The following ELAVL4 variants were observed in gnomAD, a reference collection of about 807,000 sequenced individuals.
The protein encoded by ELAVL4 is ELAV like RNA binding protein 4, also known as ELAV-like protein 4.
A neutral mutation model predicts 35.6 loss-of-function variants in ELAVL4; 1 was observed. The observed-to-expected ratio is 0.03, with a 90% CI of 0.01 to 0.13. ELAVL4 has a LOEUF of 0.13. ELAVL4 is among the 10% of genes least tolerant of loss of function. ELAVL4 has a pLI of 1.00. For missense variants in ELAVL4, 267 were observed against 464.9 expected (o/e 0.57, Z 3.91); for synonymous variants, 156 against 171.0 (o/e 0.91, Z 0.69).
chr1:50,090,160 T>G (rs1344133799), intron 1 of ELAVL4, among the ~76,000 whole-genome samples: 1 of 152,202 alleles, frequency 6.6e-6, no homozygotes, highest in Non-Finnish European at 1.5e-5. Context: ...AGGTTATGTA[T>G]GACAACTGAG....
chr1:50,183,623 G>T (rs1057458730), intron 3 of ELAVL4, among the ~76,000 whole-genome samples: 6 of 152,086 alleles, frequency 3.9e-5, no homozygotes, highest in African/African-American at 1.4e-4. Flanking sequence ...GCCTCCGGGG[G>T]TCTTTCCACA....
At chr1:50,150,744 G>A (rs977139880) in intron 2 of ELAVL4, among the ~76,000 whole-genome samples, 2 of 152,104 alleles carry the variant, frequency 1.3e-5, no homozygotes, top group African/African-American at 2.4e-5. Flanking sequence ...ACAATAAAAG[G>A]CTCTGAAAAA....
At chr1:50,163,869 C>T (rs1023016540) in intron 2 of ELAVL4, among the ~76,000 whole-genome samples, 11 of 152,120 alleles carry the variant, frequency 7.2e-5, no homozygotes, top group Non-Finnish European at 1.5e-5. Context: ...CTCTCAAAGT[C>T]TCAGGCATAC....
At chr1:50,096,155 T>C (rs1572167620) in intron 1 of ELAVL4, among the ~76,000 whole-genome samples, 3 of 151,876 alleles carry the variant, frequency 2.0e-5, no homozygotes, top group Non-Finnish European at 2.9e-5. Flanking sequence ...GCACCAACTA[T>C]GACAGCCACT....
chr1:50,064,852 C>A (rs1664183517), intron 1 of ELAVL4, among the ~76,000 whole-genome samples: 1 of 152,102 alleles, frequency 6.6e-6, no homozygotes, highest in Non-Finnish European at 1.5e-5. Flanking sequence ...GTTCCTTTAG[C>A]CTTTTGTATA....
At chr1:50,057,083 T>C (rs919171826) in intron 1 of ELAVL4, among the ~76,000 whole-genome samples, 1 of 152,108 alleles carries the variant, frequency 6.6e-6, no homozygotes, top group Non-Finnish European at 1.5e-5. Flanking sequence ...GACCTTCTAG[T>C]GGAACAAGAT....
chr1:50,170,823 A>G (rs1678864821), intron 2 of ELAVL4, among the ~76,000 whole-genome samples: 1 of 152,202 alleles, frequency 6.6e-6, no homozygotes, highest in Non-Finnish European at 1.5e-5. Context: ...GCTTGAGCCC[A>G]AAAGTTGGAG....
intron 3 of ELAVL4, among the ~76,000 whole-genome samples, chr1:50,192,563 A>ACACACACACACACT (rs766597516): frequency 6.9e-6 from 1 of 144,438 alleles, no homozygotes; most frequent in Non-Finnish European, 1.5e-5. Context: ...ACACACACAC[A>ACACACACACACACT]CTCTCACCCC....
chr1:50,144,413 T>C (rs28693041), intron 1 of ELAVL4: 1 of 332,502 alleles, frequency 3.0e-6, no homozygotes, highest in Non-Finnish European at 5.8e-6. Context: ...AGAATGTACC[T>C]GTAAAATCTA....
chr1:50,058,058 T>A (rs1663771150), intron 1 of ELAVL4, among the ~76,000 whole-genome samples: 1 of 152,192 alleles, frequency 6.6e-6, no homozygotes, highest in Non-Finnish European at 1.5e-5. Context: ...GAAGCTTGAG[T>A]TATTTTTTTC....
intron 1 of ELAVL4, among the ~76,000 whole-genome samples, chr1:50,097,330 A>G (rs1387716126): frequency 1.3e-5 from 2 of 152,230 alleles, no homozygotes; most frequent in Non-Finnish European, 2.9e-5. Flanking sequence ...TCAAAAGCTT[A>G]ATTTCCCTTT....
intron 2 of ELAVL4, among the ~76,000 whole-genome samples, chr1:50,171,890 C>A (rs1679067337): frequency 6.6e-6 from 1 of 152,152 alleles, no homozygotes; most frequent in African/African-American, 2.4e-5. Flanking sequence ...TACTGCCATG[C>A]AGGTAATTTT....
At chr1:50,193,369 T>TG (rs1016529558) in intron 3 of ELAVL4, among the ~76,000 whole-genome samples, 2 of 150,440 alleles carry the variant, frequency 1.3e-5, no homozygotes, top group Non-Finnish European at 3.0e-5. Context: ...TCATGAGGTT[T>TG]TTTTTTTTTT....
Position 50,091,225 on chromosome 1 carries a change from G to A in ELAVL4, c.18+43043G>A, listed in dbSNP as rs573337468. Among the ~76,000 whole-genome samples the A allele has an allele frequency of 3.9e-5, 6 of 152,264 alleles. No individual in the cohort carries two copies. In the South Asian group the frequency reaches 1.2e-3, roughly 32 times the overall value. On this transcript the variant is annotated intron_variant, in intron 1 of 6. Transcript: ENST00000448907. The stretch of plus-strand genomic sequence containing the variant: ...CGTATTGGAGATTTTTAGCACGCAC[G>A]CTCACACCTGGCTGCTCGCCACCTT...
chr1:50,186,952 T>C (rs1681923249), intron 3 of ELAVL4, among the ~76,000 whole-genome samples: 1 of 152,202 alleles, frequency 6.6e-6, no homozygotes, highest in South Asian at 2.1e-4. Context: ...AGAGGTAAAC[T>C]GATCCTCACA....
rs1055575125 is a variant in ELAVL4, at chr1:50,095,788, G to A, written c.18+47606G>A. Among the ~76,000 whole-genome samples, 14 of 152,236 alleles carry A rather than the reference G, an allele frequency of 9.2e-5. No homozygotes were observed. The South Asian group carries it at 2.9e-3, about 32-fold the overall frequency. On this transcript the variant is annotated intron_variant, in intron 1 of 6. Transcript: ENST00000448907. Reference sequence around the variant, plus strand: ...AGCTATGGAAGCACAAATTCAGGGGGCAAACCGTCACATTATTCACCAAAT... The same window carrying A: ...AGCTATGGAAGCACAAATTCAGGGGACAAACCGTCACATTATTCACCAAAT...
intron 3 of ELAVL4, among the ~76,000 whole-genome samples, chr1:50,192,519 G>GCACACACACACACACACACA (rs5774068): frequency 2.1e-5 from 3 of 140,446 alleles, no homozygotes; most frequent in African/African-American, 7.9e-5. Context: ...TTGTGTGCAC[G>GCACACACACACACACACACA]CACACACACA....
At chr1:50,055,182 G>T (rs966304720) in intron 1 of ELAVL4, among the ~76,000 whole-genome samples, 3 of 152,056 alleles carry the variant, frequency 2.0e-5, no homozygotes, top group African/African-American at 7.2e-5. Flanking sequence ...GGAGAAGTTG[G>T]ATGACTTGCC....
intron 3 of ELAVL4, among the ~76,000 whole-genome samples, chr1:50,183,158 G>T (rs906581398): frequency 1.3e-5 from 2 of 151,924 alleles, no homozygotes; most frequent in East Asian, 3.9e-4. Flanking sequence ...GCGCCCGGCC[G>T]ATTTCCATCC....
Sources: allele counts gnomAD v4.1 joint callset (sites outside exome capture counted in the v4.1 genomes callset), GRCh38; gene constraint gnomAD v4.1.1; transcripts MANE v1.5; gene names NCBI Gene and HGNC (gene_info 2026-07-23, HGNC 2026-07-21).